The following NTRK2 variants were observed in gnomAD, a reference collection of about 807,000 sequenced individuals.
NTRK2 encodes the protein BDNF/NT-3 growth factors receptor.
Under a neutral mutation model 94.5 loss-of-function variants are expected in NTRK2, and 13 were observed. That is an observed-to-expected ratio of 0.14 (90% confidence interval 0.09 to 0.22). NTRK2 has a LOEUF of 0.22. NTRK2 is among the 10% of genes least tolerant of loss of function. NTRK2 has a pLI of 1.00. For synonymous variants in NTRK2, 372 were observed against 407.4 expected, an observed-to-expected ratio of 0.91 and a Z score of 1.05; for missense variants, 639 against 1,071.2, an observed-to-expected ratio of 0.60 and a Z score of 5.63.
At chr9:84,820,080 A>G (rs999872771) in intron 12 of NTRK2, among the ~76,000 whole-genome samples, 1 of 152,106 alleles carries the variant, frequency 6.6e-6, no homozygotes, top group African/African-American at 2.4e-5. Flanking sequence ...TAAGGGCACC[A>G]ATCCCCTGCA....
At chr9:84,907,783 T>C (rs1181249944) in intron 14 of NTRK2, among the ~76,000 whole-genome samples, 2 of 151,988 alleles carry the variant, frequency 1.3e-5, no homozygotes, top group Non-Finnish European at 2.9e-5. Flanking sequence ...AGTCTTGTCC[T>C]ATGTTGCCTT....
At chr9:84,831,335 T>C (rs1268118983) in intron 12 of NTRK2, among the ~76,000 whole-genome samples, 1 of 152,200 alleles carries the variant, frequency 6.6e-6, no homozygotes. Flanking sequence ...GTTAACATTG[T>C]TTTGCTAATT....
chr9:84,963,280 A>G (rs916604895), intron 17 of NTRK2, among the ~76,000 whole-genome samples: 1 of 152,238 alleles, frequency 6.6e-6, no homozygotes, highest in Non-Finnish European at 1.5e-5. Flanking sequence ...CCAGAGATCA[A>G]TGACTTGTTA....
chr9:84,669,977 C>G lies in NTRK2; in HGVS notation c.-373+89C>G, dbSNP rs1405543824. On this transcript the variant is annotated intron_variant, in intron 1 of 18. Transcript: ENST00000277120. This position sits in a 1 kb window ranked among gnomAD's most constrained non-coding sequence, Gnocchi z 4.1. Reference sequence around the variant, plus strand: ...CGGCTACTCCCCAGGTGGGACGTGCCGCGCCACCTGCCCGCGCCACCGGCA... The same window carrying G: ...CGGCTACTCCCCAGGTGGGACGTGCGGCGCCACCTGCCCGCGCCACCGGCA... 2.0e-5 allele frequency: 3 copies of G among 153,686 alleles called. No individual in the cohort carries two copies. The highest frequency in any genetic ancestry group is 2.9e-5 in the Non-Finnish European group (2 of 68,910). The allele number at this position is 153,686 out of a possible 1,614,324, so 9.5% of individuals were successfully genotyped here.
chr9:84,952,628 T>G (rs4877293), intron 16 of NTRK2, among the ~76,000 whole-genome samples: 11,447 of 152,230 alleles, frequency 0.075, 499 homozygotes, highest in Admixed American at 0.13. Flanking sequence ...CAGCAGTATG[T>G]TCTGCTCAGA....
chr9:84,860,217 C>G (rs1321799546), intron 12 of NTRK2, among the ~76,000 whole-genome samples: 4 of 152,114 alleles, frequency 2.6e-5, no homozygotes, highest in Non-Finnish European at 5.9e-5. Context: ...CAGGTATTTC[C>G]CCACTGTGCA....
chr9:84,753,185 G>A (rs185482206), intron 12 of NTRK2, among the ~76,000 whole-genome samples: 2 of 152,022 alleles, frequency 1.3e-5, no homozygotes, highest in Admixed American at 6.5e-5. Context: ...AAAAAACCTC[G>A]TCCTGGTTCC....
chr9:85,011,540 C>G (rs992465114), intron 17 of NTRK2, among the ~76,000 whole-genome samples: 2 of 152,132 alleles, frequency 1.3e-5, no homozygotes, highest in Non-Finnish European at 2.9e-5. Context: ...TGAGAGCTCT[C>G]TCTCGCTCTC....
chr9:85,002,479 T>G (rs1033882539), intron 17 of NTRK2, among the ~76,000 whole-genome samples: 10 of 152,158 alleles, frequency 6.6e-5, no homozygotes, highest in Non-Finnish European at 1.2e-4. Context: ...GAACCTAATT[T>G]TTTCACTCCA....
At chr9:84,873,905 C>A in intron 14 of NTRK2, 1 of 1,062,540 alleles carries the variant, frequency 9.4e-7, no homozygotes, top group South Asian at 4.6e-5. Context: ...GTCAGGGAGA[C>A]AGAGTGATAT....
At chr9:84,963,440 G>A (rs745389374) in intron 17 of NTRK2, among the ~76,000 whole-genome samples, 1 of 152,222 alleles carries the variant, frequency 6.6e-6, no homozygotes, top group Non-Finnish European at 1.5e-5. Context: ...GCCTTTAAAA[G>A]TTGAGAACTA....
chr9:84,878,611 C>T (rs543135213), intron 14 of NTRK2, among the ~76,000 whole-genome samples: 52 of 143,310 alleles, frequency 3.6e-4, no homozygotes, highest in African/African-American at 1.3e-3. Context: ...TCCAGCCTGG[C>T]GACAGAAAGA....
intron 17 of NTRK2, among the ~76,000 whole-genome samples, chr9:84,965,483 T>A (rs1825447385): frequency 6.6e-6 from 1 of 152,144 alleles, no homozygotes; most frequent in Admixed American, 6.5e-5. Context: ...TCTGGAAAAT[T>A]CTCTGAAAGC....
At chr9:85,019,295 G>A (rs1832572924) in intron 17 of NTRK2, among the ~76,000 whole-genome samples, 1 of 152,184 alleles carries the variant, frequency 6.6e-6, no homozygotes, top group Non-Finnish European at 1.5e-5. Flanking sequence ...CAGGCATACT[G>A]TGTAGCATGG....
At chr9:84,870,691 C>T (rs2132103643) in intron 14 of NTRK2, among the ~76,000 whole-genome samples, 1 of 151,974 alleles carries the variant, frequency 6.6e-6, no homozygotes, top group South Asian at 2.1e-4. Flanking sequence ...AAGAAGGGCT[C>T]TTTCAAGAAG....
At chr9:84,729,086 G>A (rs2062660145) in intron 9 of NTRK2, among the ~76,000 whole-genome samples, 1 of 152,182 alleles carries the variant, frequency 6.6e-6, no homozygotes, top group African/African-American at 2.4e-5. Context: ...TGGGCTGCAT[G>A]TACCTGTGTG....
At chr9:84,834,464 A>T (rs1006034365) in intron 12 of NTRK2, among the ~76,000 whole-genome samples, 1 of 152,058 alleles carries the variant, frequency 6.6e-6, no homozygotes, top group African/African-American at 2.4e-5. Context: ...CCCCTTTCTT[A>T]AGTCACTGTT....
rs79088502 is a variant in NTRK2, at chr9:84,735,223, G to A, written c.1160-6669G>A. Among the ~76,000 whole-genome samples the A allele has an allele frequency of 9.7e-3, 1,481 of 152,208 alleles. 21 individuals carry two copies. The highest frequency in any genetic ancestry group is 0.034 in the African/African-American group (1,408 of 41,530). The stretch of plus-strand genomic sequence containing the variant: ...AAAAGAAATAAAAATAAAAATTGTC[G>A]TCCTTCATGCTCACTGAGACCTTTT... On this transcript the variant is annotated intron_variant, in intron 9 of 18. Coordinates refer to ENST00000277120, the MANE Select transcript of NTRK2 (RefSeq NM_006180.6).
chr9:84,764,126 A>G (rs181125135), intron 12 of NTRK2, among the ~76,000 whole-genome samples: 12 of 152,334 alleles, frequency 7.9e-5, no homozygotes, highest in African/African-American at 2.9e-4. Context: ...CTGGAATCAC[A>G]TTGTGTCAGG....
Sources: gnomAD v4.1 joint callset for allele counts (sites outside exome capture counted in the v4.1 genomes callset) on GRCh38, gnomAD v4.1.1 for gene constraint, Gnocchi (gnomAD v3.1) non-coding constraint, MANE v1.5 for transcripts, NCBI Gene and HGNC (gene_info 2026-07-23, HGNC 2026-07-21) for gene names.